Variants in SENP1 observed in about 807,000 individuals in gnomAD.
SENP1 encodes sentrin-specific protease 1.
A neutral mutation model predicts 93.0 loss-of-function variants in SENP1; 21 were observed. That is an observed-to-expected ratio of 0.23 (90% CI 0.16 to 0.33). The LOEUF (loss-of-function observed/expected upper bound fraction) is 0.33, where lower values mean the gene tolerates loss of function less well. SENP1 is among the 10% of genes least tolerant of loss of function. The probability of loss-of-function intolerance (pLI) is 1.00; values close to 1 mark genes in which losing one functional copy is unlikely to be tolerated. For missense variants in SENP1, 591 were observed against 758.7 expected (o/e 0.78, Z 2.60); for synonymous variants, 256 against 259.6 (o/e 0.99, Z 0.13).
intron 5 of SENP1, among the ~76,000 whole-genome samples, chr12:48,084,634 G>C (rs1392570351): frequency 6.6e-6 from 1 of 151,962 alleles, no homozygotes; most frequent in Non-Finnish European, 1.5e-5. Flanking sequence ...TTTTTGTAGA[G>C]ACAGGGTTTC....
At chr12:48,078,103 T>C (rs1485281925) in intron 6 of SENP1, among the ~76,000 whole-genome samples, 1 of 151,740 alleles carries the variant, frequency 6.6e-6, no homozygotes, top group Non-Finnish European at 1.5e-5. Context: ...TCTTTCAACA[T>C]TGTATGTTTT....
In SENP1 at chr12:48,064,959, G is replaced by C. The variant is rs554914566; in HGVS notation, c.1275+106C>G. 1.9e-4 allele frequency: 151 copies of C among 800,916 alleles called. 1 individual carries two copies. The South Asian group carries it at 2.1e-3, about 11-fold the overall frequency. 49.6% of individuals were successfully genotyped at this position (800,916 alleles called of 1,614,324 possible). On this transcript the variant is annotated intron_variant, in intron 12 of 17. Coordinates refer to ENST00000549518, the MANE Select transcript of SENP1 (RefSeq NM_001267594.2). ...CCCAAAGTGATGGGATTACAGGCGT[G>C]AGCCACCGTGCCTGACCACTATTGC...
At chr12:48,089,916 A>G (rs1945114589) in intron 4 of SENP1, among the ~76,000 whole-genome samples, 1 of 152,228 alleles carries the variant, frequency 6.6e-6, no homozygotes, top group African/African-American at 2.4e-5. Flanking sequence ...AATTTATGCT[A>G]TTAAAAGTAT....
chr12:48,094,205 A>C (rs1371580886), intron 4 of SENP1, among the ~76,000 whole-genome samples: 1 of 151,900 alleles, frequency 6.6e-6, no homozygotes, highest in Admixed American at 6.6e-5. Context: ...CAAGACCCTC[A>C]CCTCTATAAA....
chr12:48,062,850 T>C (rs185520116), intron 13 of SENP1, among the ~76,000 whole-genome samples: 285 of 152,340 alleles, frequency 1.9e-3, no homozygotes, highest in African/African-American at 6.0e-3. Context: ...TCAATAGTTA[T>C]TGGCAAATAT....
chr12:48,102,969 A>G (rs1946057230), intron 1 of SENP1, among the ~76,000 whole-genome samples: 1 of 152,192 alleles, frequency 6.6e-6, no homozygotes, highest in Non-Finnish European at 1.5e-5. Context: ...AGGCTTCTTT[A>G]CTAAAAATTC....
intron 6 of SENP1, chr12:48,080,099 A>G (rs1944402772): frequency 6.6e-6 from 1 of 152,216 alleles, no homozygotes; most frequent in African/African-American, 2.4e-5. Flanking sequence ...TTATTGTCAC[A>G]AGTATTTTCT....
chr12:48,079,392 A>G, intron 6 of SENP1, among the ~76,000 whole-genome samples: 1 of 151,890 alleles, frequency 6.6e-6, no homozygotes, highest in Non-Finnish European at 1.5e-5. Flanking sequence ...CCAGCTACTC[A>G]GGAGGCTGAG....
chr12:48,105,854 G>C, intron 1 of SENP1, 174 bp downstream of exon 1: 3 of 602,934 alleles, frequency 5.0e-6, no homozygotes, highest in Non-Finnish European at 8.8e-6. Flanking sequence ...CCACCGGACA[G>C]CAGGGGGGAG....
At chr12:48,085,869 A>G (rs968155544) in intron 5 of SENP1, among the ~76,000 whole-genome samples, 9 of 152,176 alleles carry the variant, frequency 5.9e-5, no homozygotes, top group African/African-American at 2.2e-4. Flanking sequence ...GATTCTCCAC[A>G]ATGTCTTCTG....
intron 1 of SENP1, among the ~76,000 whole-genome samples, chr12:48,104,637 G>T (rs1342027613): frequency 6.6e-6 from 1 of 152,176 alleles, no homozygotes; most frequent in Non-Finnish European, 1.5e-5. Context: ...GTCCAGTAGG[G>T]AAAGCCAGAT....
rs1214438376 is a variant in SENP1 at position 48,066,859 on chromosome 12, ATTGT to A, written c.1034+64_1034+67del. 16 of 1,241,852 alleles carry A rather than the reference ATTGT, an allele frequency of 1.3e-5. No individual in the cohort carries two copies. In the East Asian group the frequency reaches 4.1e-4, roughly 31 times the overall value. The allele number at this position is 1,241,852 out of a possible 1,614,324, so 76.9% of individuals were successfully genotyped here. ...AAAAAATAAGCAGGATGATTAGCTAATTGTTTGATTTCTTCTAACTAAAAATGAA... is the reference window on the plus strand; with the variant it reads ...AAAAAATAAGCAGGATGATTAGCTAATTGATTTCTTCTAACTAAAAATGAA... On this transcript the variant is annotated intron_variant, in intron 10 of 17. Transcript: ENST00000549518.
At chr12:48,104,941 T>C (rs1215930225) in intron 1 of SENP1, among the ~76,000 whole-genome samples, 10 of 152,204 alleles carry the variant, frequency 6.6e-5, no homozygotes, top group Admixed American at 2.0e-4. Context: ...GAGTGTAAAC[T>C]GGAAGTAGGT....
chr12:48,058,747 T>C (rs1942756819), intron 13 of SENP1, among the ~76,000 whole-genome samples: 1 of 152,216 alleles, frequency 6.6e-6, no homozygotes, highest in Non-Finnish European at 1.5e-5. Flanking sequence ...ATTCCACTCT[T>C]CATTCCTTTG....
intron 13 of SENP1, among the ~76,000 whole-genome samples, chr12:48,050,017 G>C (rs923975976): frequency 8.5e-5 from 13 of 152,152 alleles, no homozygotes; most frequent in Non-Finnish European, 1.0e-4. Context: ...TTCTCTAATA[G>C]TGACTATGTT....
At chr12:48,095,835 A>G (rs1228398846) in intron 4 of SENP1, among the ~76,000 whole-genome samples, 2 of 152,192 alleles carry the variant, frequency 1.3e-5, no homozygotes, top group African/African-American at 4.8e-5. Flanking sequence ...CATGGATCAC[A>G]AGTTAAATAG....
intron 13 of SENP1, among the ~76,000 whole-genome samples, chr12:48,049,483 G>A (rs533901582): frequency 2.6e-5 from 4 of 152,332 alleles, no homozygotes; most frequent in Admixed American, 1.3e-4. Context: ...CATGCAAGCA[G>A]TTTAATAATG....
chr12:48,078,854 T>TTTG lies in SENP1; in HGVS notation c.553-4064_553-4062dup, dbSNP rs202214361. On this transcript the variant is annotated intron_variant, in intron 6 of 17. Transcript: ENST00000549518. ...TCTGTAAATTACTTGTTAAACTGTT[T>TTTG]TTGTTGTTGTTGTTGTTAAACACAG... Among the ~76,000 whole-genome samples, 1,353 of 152,340 alleles carry TTTG rather than the reference T, an allele frequency of 8.9e-3. 15 individuals carry two copies. The highest frequency in any genetic ancestry group is 0.012 in the Non-Finnish European group (845 of 68,036).
chr12:48,088,056 CTT>C (rs72405174), intron 5 of SENP1, among the ~76,000 whole-genome samples: 4 of 146,776 alleles, frequency 2.7e-5, no homozygotes, highest in Admixed American at 6.8e-5. Flanking sequence ...CTGTGACTAT[CTT>C]TTTTTTTTTT....
Sources: gnomAD v4.1 joint callset for allele counts (sites outside exome capture counted in the v4.1 genomes callset) on GRCh38, gnomAD v4.1.1 for gene constraint, MANE v1.5 for transcripts, NCBI Gene and HGNC (gene_info 2026-07-23, HGNC 2026-07-21) for gene names.